The following ANK3 variants were observed in gnomAD, a reference collection of about 807,000 sequenced individuals.
ANK3 encodes ankyrin 3.
ANK3 carries 57 observed loss-of-function variants against 370.9 expected under a neutral mutation model. The ratio of observed to expected loss-of-function variants is 0.15; its 90% CI spans 0.12 to 0.19. The LOEUF (loss-of-function observed/expected upper bound fraction) is 0.19, where lower values mean the gene tolerates loss of function less well. Ranked by LOEUF, ANK3 falls within the 10% of genes least tolerant of loss-of-function variation. The pLI, the probability that ANK3 is intolerant of heterozygous loss-of-function variation, is 1.00. For synonymous variants in ANK3, 1,929 were observed against 1,946.3 expected, an observed-to-expected ratio of 0.99 and a Z score of 0.23; for missense variants, 4,439 against 5,302.1, an observed-to-expected ratio of 0.84 and a Z score of 5.06.
chr10:60,243,713 T>C (rs1377163777), intron 7 of ANK3, among the ~76,000 whole-genome samples: 1 of 152,216 alleles, frequency 6.6e-6, no homozygotes, highest in Non-Finnish European at 1.5e-5. Context: ...TATTACTTAT[T>C]ATACAGACAT....
chr10:60,181,454 A>C (rs746649874), intron 17 of ANK3, 27 bp from the exon 18 acceptor site: 1 of 1,597,204 alleles, frequency 6.3e-7, no homozygotes, highest in East Asian at 2.2e-5. Flanking sequence ...GGGCACAGTC[A>C]TCGTACAGGA....
chr10:60,456,651 G>C (rs1233186100), intron 2 of ANK3, among the ~76,000 whole-genome samples: 1 of 152,060 alleles, frequency 6.6e-6, no homozygotes, highest in Non-Finnish European at 1.5e-5. Context: ...CAATAGGATG[G>C]TCCCATAGCA....
intron 2 of ANK3, among the ~76,000 whole-genome samples, chr10:60,449,528 T>TA (rs1281337723): frequency 1.3e-5 from 2 of 152,176 alleles, no homozygotes; most frequent in African/African-American, 4.8e-5. Flanking sequence ...ATAGTACCAT[T>TA]AAAAAATATT....
At chr10:60,144,647 A>G (rs904741077) in intron 23 of ANK3, among the ~76,000 whole-genome samples, 9 of 152,192 alleles carry the variant, frequency 5.9e-5, no homozygotes, top group African/African-American at 1.7e-4. Flanking sequence ...TTCCTACACC[A>G]TAATCAACCA....
chr10:60,664,481 C>T (rs2078972635), intron 1 of ANK3, among the ~76,000 whole-genome samples: 1 of 152,132 alleles, frequency 6.6e-6, no homozygotes, highest in Non-Finnish European at 1.5e-5. Context: ...AATCGGTCAC[C>T]TTGATACACC....
chr10:60,243,792 C>T (rs986577489), intron 7 of ANK3, among the ~76,000 whole-genome samples: 1 of 152,080 alleles, frequency 6.6e-6, no homozygotes, highest in Non-Finnish European at 1.5e-5. Context: ...AAAGACATGG[C>T]GATCTAAAGT....
intron 1 of ANK3, among the ~76,000 whole-genome samples, chr10:60,661,528 G>C (rs2078935571): frequency 6.6e-6 from 1 of 151,994 alleles, no homozygotes; most frequent in Non-Finnish European, 1.5e-5. Context: ...GTTTTTACCT[G>C]TGTATTCTAC....
chr10:60,128,556 T>C (rs2093897168), intron 25 of ANK3, among the ~76,000 whole-genome samples: 2 of 151,994 alleles, frequency 1.3e-5, no homozygotes. Flanking sequence ...AATTTTTGTA[T>C]TTTTAGTAGA....
upstream of ANK3, among the ~76,000 whole-genome samples, chr10:60,390,818 A>C (rs574600176): frequency 6.6e-6 from 1 of 150,738 alleles, no homozygotes; most frequent in East Asian, 1.9e-4. Context: ...AGATGTTCTG[A>C]TGAAAATACT....
At chr10:60,483,045 T>G (rs911632106) in intron 2 of ANK3, among the ~76,000 whole-genome samples, 2 of 152,248 alleles carry the variant, frequency 1.3e-5, no homozygotes, top group Admixed American at 1.3e-4. Context: ...CTGAGTTCTG[T>G]TAGATACATT....
At chr10:60,434,640 C>T (rs530197610) in intron 2 of ANK3, among the ~76,000 whole-genome samples, 5 of 152,298 alleles carry the variant, frequency 3.3e-5, no homozygotes, top group African/African-American at 1.2e-4. Flanking sequence ...GTGGAATATT[C>T]AGAGAAAACA....
At chr10:60,443,576 C>T (rs1411855043) in intron 2 of ANK3, among the ~76,000 whole-genome samples, 1 of 152,044 alleles carries the variant, frequency 6.6e-6, no homozygotes, top group African/African-American at 2.4e-5. Context: ...CCGGCGTGAC[C>T]CATTGCTTTT....
At chr10:60,396,464 T>C (rs999160826) in intron 2 of ANK3, among the ~76,000 whole-genome samples, 4 of 152,236 alleles carry the variant, frequency 2.6e-5, no homozygotes, top group Admixed American at 2.0e-4. Context: ...TTACTGAAGA[T>C]AATAGATATG....
Position 60,709,661 on chromosome 10 carries a change from C to T in ANK3, c.57+23602G>A, listed in dbSNP as rs191270956. On this transcript the variant is annotated intron_variant, in intron 1 of 43. Transcript: ENST00000373827. ...GCAACATGGCGAAACCCTGTCTCTA[C>T]GAAAATAAAAATAAAAATTAGCCGG... Among the ~76,000 whole-genome samples the T allele has an allele frequency of 5.1e-4, 78 of 151,698 alleles. 1 individual carries two copies. The highest frequency in any genetic ancestry group is 7.7e-4 in the East Asian group (4 of 5,162).
At chr10:60,634,478 G>A (rs903201037) in intron 1 of ANK3, among the ~76,000 whole-genome samples, 2 of 152,046 alleles carry the variant, frequency 1.3e-5, no homozygotes, top group African/African-American at 4.8e-5. Context: ...TCGGCACTCT[G>A]TAAAACAGAC....
At chr10:60,062,516 G>T (rs1208277940) in intron 40 of ANK3, 1 of 152,170 alleles carries the variant, frequency 6.6e-6, no homozygotes, top group Non-Finnish European at 1.5e-5. Context: ...ATATACAATA[G>T]ATCAAGCAGT....
intron 2 of ANK3, among the ~76,000 whole-genome samples, chr10:60,599,064 GA>G (rs1567172480): frequency 6.6e-6 from 1 of 152,072 alleles, no homozygotes; most frequent in African/African-American, 2.4e-5. Flanking sequence ...GAGTAGCTGG[GA>G]CTACTGGCAC....
chr10:60,334,367 C>T (rs957002156), intron 1 of ANK3, among the ~76,000 whole-genome samples: 2 of 152,132 alleles, frequency 1.3e-5, no homozygotes, highest in Non-Finnish European at 1.5e-5. Flanking sequence ...CACCACAATC[C>T]TCCCTTCCCC....
chr10:60,093,027 C>T (rs559766847), intron 28 of ANK3, among the ~76,000 whole-genome samples: 4 of 152,324 alleles, frequency 2.6e-5, no homozygotes, highest in Admixed American at 2.6e-4. Context: ...TGAGCCACTG[C>T]ACCCGGCCAG....
Sources: gnomAD v4.1 joint callset for allele counts (sites outside exome capture counted in the v4.1 genomes callset) on GRCh38, gnomAD v4.1.1 for gene constraint, MANE v1.5 for transcripts, NCBI Gene and HGNC (gene_info 2026-07-23, HGNC 2026-07-21) for gene names.